Variants in CELSR1 observed in about 807,000 individuals in gnomAD.
CELSR1 encodes the protein cadherin EGF LAG seven-pass G-type receptor 1.
CELSR1 carries 110 observed loss-of-function variants against 249.1 expected under a neutral mutation model. The ratio of observed to expected loss-of-function variants is 0.44; its 90% CI spans 0.38 to 0.52. The LOEUF is 0.52. CELSR1 is among the 20% of genes least tolerant of loss of function. The pLI, the probability that CELSR1 is intolerant of heterozygous loss-of-function variation, is 0.00. For synonymous variants in CELSR1, 2,113 were observed against 1,900.0 expected (o/e 1.11, Z -2.92); for missense variants, 4,109 against 4,296.4 (o/e 0.96, Z 1.22).
At position 46,378,721 on chromosome 22, in the gene CELSR1, C is replaced by T. The variant is rs750193235; in HGVS notation, c.7257-4G>A. ...CCACCCTCCCGTCCCACCAACGCTG[C>T]GGAGAGGACAGAGAAGGGGCAGGGG... On this transcript the variant is annotated splice_polypyrimidine_tract_variant and splice_region_variant and intron_variant, in intron 22 of 34. Coordinates refer to ENST00000674500, the MANE Select transcript of CELSR1 (RefSeq NM_001378328.1). The T allele has an allele frequency of 2.2e-5, 35 of 1,611,608 alleles. No individual in the cohort carries two copies. Among genetic ancestry groups the T allele is most frequent in the Middle Eastern group, 3.3e-4 (2 of 6,044 alleles).
intron 2 of CELSR1, among the ~76,000 whole-genome samples, chr22:46,451,238 A>C (rs369491811): frequency 7.2e-5 from 11 of 152,120 alleles, no homozygotes; most frequent in African/African-American, 2.7e-4. Context: ...GAAAGCCCTC[A>C]GCAGGAGGCC....
Position 46,500,109 on chromosome 22 carries a change from A to G in CELSR1, c.3544+33518T>C, listed in dbSNP as rs2080451979. On this transcript the variant is annotated intron_variant, in intron 1 of 34. Coordinates refer to ENST00000674500, the MANE Select transcript of CELSR1 (RefSeq NM_001378328.1). This position sits in a 1 kb window ranked among gnomAD's most constrained non-coding sequence, Gnocchi z 4.9. ...TCCCACCCCAGCCCCTGATCCTCCC[A>G]GCATGATCCCACCCCAGCCCCTGGT... is the stretch of plus-strand genomic sequence containing the variant. Among the ~76,000 whole-genome samples, 2 of 139,080 alleles carry G rather than the reference A, an allele frequency of 1.4e-5. No homozygotes were observed. The highest frequency in any genetic ancestry group is 3.1e-5 in the Non-Finnish European group (2 of 65,492). The allele number at this position is 139,080 out of a possible 152,430, so 91.2% of individuals were successfully genotyped here. A position where few individuals can be genotyped will look rare whatever the true frequency, so the allele number is the denominator to read the frequency against.
chr22:46,366,305 C>T (rs889306020), intron 30 of CELSR1, 81 bp downstream of exon 30: 3 of 809,854 alleles, frequency 3.7e-6, no homozygotes, highest in African/African-American at 4.0e-5. Flanking sequence ...GGTTGAATGG[C>T]AGGACACAGG....
At chr22:46,455,020 T>C (rs1449719280) in intron 2 of CELSR1, among the ~76,000 whole-genome samples, 9 of 152,202 alleles carry the variant, frequency 5.9e-5, no homozygotes, top group Admixed American at 4.6e-4. Flanking sequence ...GATGGAAACC[T>C]GGACAGAGAC....
chr22:46,534,673 G>A lies in CELSR1; in HGVS notation c.2498C>T (p.Pro833Leu), dbSNP rs769921465. 15 of 1,613,582 alleles carry A rather than the reference G, an allele frequency of 9.3e-6. No individual in the cohort carries two copies. The highest frequency in any genetic ancestry group is 4.0e-5 in the African/African-American group (3 of 74,896). Residue 833 changes from proline (P) to leucine (L), a missense_variant, in exon 1 of 35, where the codon CCG becomes CTG. Coordinates refer to ENST00000674500, the MANE Select transcript of CELSR1 (RefSeq NM_001378328.1). The surrounding 1 kb of genome is among the most constrained non-coding windows in gnomAD (Gnocchi z 9.7). ...RITYVIQDPVPQFRIDPDSGT... is the reference protein window; with the variant it reads ...RITYVIQDPVLQFRIDPDSGT... Reference sequence around the variant, plus strand: ...ACTGTCGGGGTCAATGCGGAACTGCGGCACGGGGTCCTGAATCACGTAGGT... The same window carrying A: ...ACTGTCGGGGTCAATGCGGAACTGCAGCACGGGGTCCTGAATCACGTAGGT...
rs544617758 is a variant in CELSR1, at chr22:46,390,540, C to T, written c.6251-54G>A. The T allele has an allele frequency of 7.2e-6, 10 of 1,383,864 alleles. No homozygotes were observed. Among genetic ancestry groups the T allele is most frequent in the African/African-American group, 5.7e-5 (4 of 70,326 alleles). The allele number at this position is 1,383,864 out of a possible 1,614,324, so 85.7% of individuals were successfully genotyped here. A position where few individuals can be genotyped will look rare whatever the true frequency, so the allele number is the denominator to read the frequency against. On this transcript the variant is annotated intron_variant, in intron 16 of 34. Coordinates refer to ENST00000674500, the MANE Select transcript of CELSR1 (RefSeq NM_001378328.1). The surrounding 1 kb of genome is among the most constrained non-coding windows in gnomAD (Gnocchi z 6.3). ...CTGAAACTCAAACTGTTGATCAATG[C>T]TTGTGTATTTCAATCCACAATCTGA...
rs1174296997 is a variant in CELSR1, at chr22:46,454,650, G to A, written c.4183+9057C>T. On this transcript the variant is annotated intron_variant, in intron 2 of 34. Coordinates refer to ENST00000674500, the MANE Select transcript of CELSR1 (RefSeq NM_001378328.1). This position sits in a 1 kb window ranked among gnomAD's most constrained non-coding sequence, Gnocchi z 5.1. Reference sequence around the variant, plus strand: ...TCACATTCCACACCTAGTTCAGCTCGCCCACCTCCAAGCTGTCCGGGTGGG... The same window carrying A: ...TCACATTCCACACCTAGTTCAGCTCACCCACCTCCAAGCTGTCCGGGTGGG... Among the ~76,000 whole-genome samples the A allele has an allele frequency of 3.3e-5, 5 of 152,334 alleles. No homozygotes were observed. The East Asian group carries it at 9.6e-4, about 29-fold the overall frequency.
intron 23 of CELSR1, chr22:46,377,533 G>A (rs1016982536): frequency 5.3e-5 from 26 of 494,744 alleles, no homozygotes; most frequent in African/African-American, 4.4e-4. Flanking sequence ...GAGACCTCTG[G>A]CTTTGGGGCG....
Position 46,365,387 on chromosome 22 carries a change from A to G in CELSR1, c.8405-7T>C, listed in dbSNP as rs1206413788. On this transcript the variant is annotated splice_polypyrimidine_tract_variant and splice_region_variant and intron_variant, in intron 31 of 34. Transcript: ENST00000674500. ...TCTGAGTCGGAATCGTGGCCTGTGG[A>G]TGCGCGGGGGACAGGGAGGCTCAGG... The G allele has an allele frequency of 6.2e-7, 1 of 1,612,268 alleles. No homozygotes were observed. Among genetic ancestry groups the G allele is most frequent in the Non-Finnish European group, 8.5e-7 (1 of 1,179,886 alleles).
chr22:46,502,371 G>A (rs1358344922), intron 1 of CELSR1, among the ~76,000 whole-genome samples: 2 of 139,644 alleles, frequency 1.4e-5, no homozygotes, highest in African/African-American at 5.4e-5. Flanking sequence ...TTGGAGGAAA[G>A]GGGAAAGGGG....
chr22:46,516,286 G>T (rs1304431907), intron 1 of CELSR1, among the ~76,000 whole-genome samples: 1 of 152,120 alleles, frequency 6.6e-6, no homozygotes, highest in Non-Finnish European at 1.5e-5. Flanking sequence ...CATAAAAAAT[G>T]ATGAGTTCAT....
intron 5 of CELSR1, among the ~76,000 whole-genome samples, chr22:46,421,602 G>C (rs2079473273): frequency 6.6e-6 from 1 of 152,192 alleles, no homozygotes; most frequent in African/African-American, 2.4e-5. Flanking sequence ...ACCTGCCACA[G>C]CGCCTGCAAG....
At chr22:46,458,645 G>A (rs1176158840) in intron 2 of CELSR1, among the ~76,000 whole-genome samples, 2 of 152,190 alleles carry the variant, frequency 1.3e-5, no homozygotes, top group Admixed American at 1.3e-4. Flanking sequence ...AGAGGGAAGA[G>A]GCTGGAGGCC....
rs1445839060 is a variant in CELSR1 at position 46,448,722 on chromosome 22, A to C, written c.4184-9311T>G. ...TGAGTGGAAGGGCCCGGGAACAGGA[A>C]CACAGGGCAATTTCAAAGTCAGGTC... On this transcript the variant is annotated intron_variant, in intron 2 of 34. Coordinates refer to ENST00000674500, the MANE Select transcript of CELSR1 (RefSeq NM_001378328.1). The surrounding 1 kb of genome is among the most constrained non-coding windows in gnomAD (Gnocchi z 5.7). Among the ~76,000 whole-genome samples, 1 of 152,192 alleles carries C rather than the reference A, an allele frequency of 6.6e-6. No individual in the cohort carries two copies. The highest frequency in any genetic ancestry group is 1.5e-5 in the Non-Finnish European group (1 of 68,026).
chr22:46,408,555 G>A lies in CELSR1; in HGVS notation c.5226+441C>T, dbSNP rs187922912. Among the ~76,000 whole-genome samples, 2 of 152,126 alleles carry A rather than the reference G, an allele frequency of 1.3e-5. No individual in the cohort carries two copies. The highest frequency in any genetic ancestry group is 2.4e-5 in the African/African-American group (1 of 41,416). ...TCACCATGTTGGCCAGGCTGGTCTC[G>A]AACTTCTGACCTCAGGTGATCCGCC... On this transcript the variant is annotated intron_variant, in intron 9 of 34. Transcript: ENST00000674500. This position sits in a 1 kb window ranked among gnomAD's most constrained non-coding sequence, Gnocchi z 4.6.
At chr22:46,476,522 G>A (rs2092354) in intron 1 of CELSR1, among the ~76,000 whole-genome samples, 99,033 of 150,100 alleles carry the variant, frequency 0.66, 33,313 homozygotes, top group East Asian at 0.85. Context: ...CTTGAACCTG[G>A]GAGGCAGAGG....
chr22:46,456,614 G>C (rs2079954407), intron 2 of CELSR1, among the ~76,000 whole-genome samples: 1 of 132,340 alleles, frequency 7.6e-6, no homozygotes, highest in Non-Finnish European at 1.6e-5. Flanking sequence ...AGTGAGCCGA[G>C]ATTGTGCCGC....
intron 5 of CELSR1, among the ~76,000 whole-genome samples, chr22:46,432,011 C>A (rs2079601479): frequency 6.6e-6 from 1 of 152,222 alleles, no homozygotes; most frequent in Non-Finnish European, 1.5e-5. Flanking sequence ...CGAGCAAGCA[C>A]TCAGCTCCCA....
chr22:46,363,672 G>T lies in CELSR1; in HGVS notation c.9035+324C>A. ...CCTCAGTATCCTCAACTGCAAGGTG[G>T]GTGGCAGTGGTCCCAGGCGGAGACA... is the stretch of plus-strand genomic sequence containing the variant. On this transcript the variant is annotated intron_variant, in intron 34 of 34. Transcript: ENST00000674500. The surrounding 1 kb of genome is among the most constrained non-coding windows in gnomAD (Gnocchi z 4.3). 2.5e-6 allele frequency: 1 copy of T among 406,024 alleles called. No homozygotes were observed. The highest frequency in any genetic ancestry group is 4.4e-6 in the Non-Finnish European group (1 of 226,238). The allele number at this position is 406,024 out of a possible 1,614,324, so 25.2% of individuals were successfully genotyped here.
Sources: gnomAD v4.1 joint callset for allele counts (sites outside exome capture counted in the v4.1 genomes callset) on GRCh38, gnomAD v4.1.1 for gene constraint, Gnocchi (gnomAD v3.1) non-coding constraint, MANE v1.5 for transcripts, NCBI Gene and HGNC (gene_info 2026-07-23, HGNC 2026-07-21) for gene names.